The following CLMN variants were observed in gnomAD, a reference collection of about 807,000 sequenced individuals.
CLMN encodes the protein calmin, also known as calmin (calponin-like, transmembrane).
In CLMN, 57 loss-of-function variants were observed where a neutral mutation model predicts 92.7. The observed-to-expected ratio is 0.61, with a 90% CI of 0.50 to 0.77. CLMN has a LOEUF of 0.77. Ranked by LOEUF, CLMN falls within the 30% of genes least tolerant of loss-of-function variation. The pLI is 0.00. For missense variants in CLMN, 1,158 were observed against 1,237.5 expected, an observed-to-expected ratio of 0.94 and a Z score of 0.96; for synonymous variants, 466 against 470.6, an observed-to-expected ratio of 0.99 and a Z score of 0.13.
intron 1 of CLMN, among the ~76,000 whole-genome samples, chr14:95,283,123 C>T (rs577815436): frequency 1.5e-4 from 23 of 152,310 alleles, no homozygotes; most frequent in African/African-American, 5.5e-4. Flanking sequence ...GTGAGAGGGA[C>T]CCAGTGGGAG....
At chr14:95,249,298 A>G (rs1898691699) in intron 1 of CLMN, among the ~76,000 whole-genome samples, 2 of 152,200 alleles carry the variant, frequency 1.3e-5, no homozygotes, top group Admixed American at 6.5e-5. Context: ...CATGTTGAGC[A>G]GATAACTTGT....
intron 1 of CLMN, among the ~76,000 whole-genome samples, chr14:95,299,645 A>G (rs2140776507): frequency 6.6e-6 from 1 of 152,304 alleles, no homozygotes; most frequent in African/African-American, 2.4e-5. Context: ...ACCCTGCTAC[A>G]AAGAGGCAGA....
In CLMN at chr14:95,204,086, C is replaced by T. The variant is rs770563838; in HGVS notation, c.1263G>A (p.Pro421=). Residue 421 remains proline, a synonymous_variant, in exon 9 of 13, where the codon CCG becomes CCA. Transcript: ENST00000298912. ...RKENGRSNSL[P]IKKTVHFEAD... ...CCTCAAAGTGAACTGTTTTCTTGAT[C>T]GGCAAAGAGTTGGACCTCCCGTTCT... The T allele has an allele frequency of 8.4e-5, 135 of 1,613,948 alleles. 2 individuals carry two copies. The East Asian group carries it at 2.4e-3, about 28-fold the overall frequency.
chr14:95,300,064 C>G (rs1286956447), intron 1 of CLMN, among the ~76,000 whole-genome samples: 1 of 152,246 alleles, frequency 6.6e-6, no homozygotes, highest in Non-Finnish European at 1.5e-5. Flanking sequence ...GACGCTCAAT[C>G]AGGAAGCTCT....
At chr14:95,237,599 T>A (rs1898100161) in intron 1 of CLMN, among the ~76,000 whole-genome samples, 1 of 152,184 alleles carries the variant, frequency 6.6e-6, no homozygotes, top group Admixed American at 6.5e-5. Flanking sequence ...TCCAGTTTTG[T>A]GCAGAGGGAA....
chr14:95,302,283 G>C (rs113452665), intron 1 of CLMN, among the ~76,000 whole-genome samples: 88 of 152,082 alleles, frequency 5.8e-4, no homozygotes, highest in African/African-American at 2.0e-3. Context: ...CTGGGCAACA[G>C]AGTGAGACTT....
At position 95,259,245 on chromosome 14, in the gene CLMN, C is replaced by T. The variant is rs1051270332; in HGVS notation, c.83-29112G>A. ...GGCCTCCTAGTGTCAGAGGTATAGA[C>T]AACCACTGCTCTTCCCCAATGTCAG... is the stretch of plus-strand genomic sequence containing the variant. On this transcript the variant is annotated intron_variant, in intron 1 of 12. Coordinates refer to ENST00000298912, the MANE Select transcript of CLMN (RefSeq NM_024734.4). The surrounding 1 kb of genome is among the most constrained non-coding windows in gnomAD (Gnocchi z 4.3). 2.0e-5 allele frequency among the ~76,000 whole-genome samples: 3 copies of T among 152,012 alleles called. No homozygotes were observed. The highest frequency in any genetic ancestry group is 4.4e-5 in the Non-Finnish European group (3 of 67,982).
intron 1 of CLMN, among the ~76,000 whole-genome samples, chr14:95,283,967 CG>C: frequency 6.6e-6 from 1 of 152,344 alleles, no homozygotes; most frequent in East Asian, 1.9e-4. Flanking sequence ...CTCCAGGCCA[CG>C]TCAGAGACCT....
chr14:95,238,707 C>T (rs1898141808), intron 1 of CLMN, among the ~76,000 whole-genome samples: 1 of 152,150 alleles, frequency 6.6e-6, no homozygotes, highest in East Asian at 1.9e-4. Flanking sequence ...GAGTGAGTAA[C>T]CTGCTCCAGC....
Position 95,193,305 on chromosome 14 carries a change from A to G in CLMN, c.2840+544T>C, listed in dbSNP as rs111537168. The G allele has an allele frequency of 1.6e-5, 24 of 1,516,734 alleles. No homozygotes were observed. In the Admixed American group the frequency reaches 1.8e-4, roughly 11 times the overall value. The allele number at this position is 1,516,734 out of a possible 1,614,324, so 94.0% of individuals were successfully genotyped here. On this transcript the variant is annotated intron_variant, in intron 12 of 12. Transcript: ENST00000298912. ...ATTAGGCCAGGCCAACAGTTCTCCG[A>G]CAGCAAGAAATACTTTCATAGACAT...
At chr14:95,319,599 A>G in intron 1 of CLMN, 112 bp downstream of exon 1, 1 of 874,718 alleles carries the variant, frequency 1.1e-6, no homozygotes, top group Non-Finnish European at 1.7e-6. Flanking sequence ...AGTGACAGGA[A>G]CAACGAGCGG....
chr14:95,314,127 G>GCCCCTGAACACTCTCGTTCCTTGGTACAA (rs1901659878), intron 1 of CLMN, among the ~76,000 whole-genome samples: 1 of 152,200 alleles, frequency 6.6e-6, no homozygotes, highest in African/African-American at 2.4e-5. Context: ...GTTTTACCTG[G>GCCCCTGAACACTCTCGTTCCTTGGTACAA]CCCCTGAACA....
chr14:95,194,195 C>A lies in CLMN; in HGVS notation c.2770-276G>T. The stretch of plus-strand genomic sequence containing the variant: ...GTTCTAACACATCTGCTACTGAGCA[C>A]GTGCCACTGTCCATCGGACCTTGAC... On this transcript the variant is annotated intron_variant, in intron 11 of 12. Transcript: ENST00000298912. The surrounding 1 kb of genome is among the most constrained non-coding windows in gnomAD (Gnocchi z 4.0). 1 of 1,397,652 alleles carries A rather than the reference C, an allele frequency of 7.2e-7. No individual in the cohort carries two copies. Among genetic ancestry groups the A allele is most frequent in the Non-Finnish European group, 9.3e-7 (1 of 1,080,664 alleles). The allele number at this position is 1,397,652 out of a possible 1,614,324, so 86.6% of individuals were successfully genotyped here.
At chr14:95,208,345 G>C (rs913319922) in intron 8 of CLMN, among the ~76,000 whole-genome samples, 1 of 152,126 alleles carries the variant, frequency 6.6e-6, no homozygotes, top group Admixed American at 6.5e-5. Context: ...TTATCAGCTC[G>C]GGGTTGTGCA....
chr14:95,308,508 A>T (rs1901382535), intron 1 of CLMN, among the ~76,000 whole-genome samples: 1 of 152,108 alleles, frequency 6.6e-6, no homozygotes, highest in African/African-American at 2.4e-5. Context: ...TCTACCACTC[A>T]TTAGCTCAAT....
At position 95,188,508 on chromosome 14, in the gene CLMN, G is replaced by C. The variant is rs1296979643; in HGVS notation, c.*3056C>G. On this transcript the variant is annotated 3_prime_UTR_variant, in exon 13 of 13. Transcript: ENST00000298912. The stretch of plus-strand genomic sequence containing the variant: ...TTCCTGAAAGCAGATCAGAAACATA[G>C]ACGAAAAATAGAAAAGATAAAAAAT... 6.6e-6 allele frequency: 1 copy of C among 152,124 alleles called. No homozygotes were observed. The highest frequency in any genetic ancestry group is 1.5e-5 in the Non-Finnish European group (1 of 68,018). The allele number at this position is 152,124 out of a possible 1,614,324, so 9.4% of individuals were successfully genotyped here. A position where few individuals can be genotyped will look rare whatever the true frequency, so the allele number is the denominator to read the frequency against.
chr14:95,242,250 C>CTTTTTTTTTTTT (rs371417505), intron 1 of CLMN, among the ~76,000 whole-genome samples: 78 of 92,582 alleles, frequency 8.4e-4, no homozygotes, highest in Non-Finnish European at 1.5e-3. Flanking sequence ...TTTTCTTTTT[C>CTTTTTTTTTTTT]TTTTTTTTTT....
chr14:95,229,786 GT>G (rs960370677), intron 2 of CLMN, among the ~76,000 whole-genome samples: 1 of 152,104 alleles, frequency 6.6e-6, no homozygotes, highest in African/African-American at 2.4e-5. Flanking sequence ...GTGTTGGTGT[GT>G]TCAATAATGA....
chr14:95,275,052 G>A (rs1360825463), intron 1 of CLMN, among the ~76,000 whole-genome samples: 1 of 151,712 alleles, frequency 6.6e-6, no homozygotes, highest in Non-Finnish European at 1.5e-5. Flanking sequence ...CCAGATAGTG[G>A]TCTAGCCCTG....
Sources: allele counts gnomAD v4.1 joint callset (sites outside exome capture counted in the v4.1 genomes callset), GRCh38; gene constraint gnomAD v4.1.1; non-coding constraint Gnocchi (gnomAD v3.1); transcripts MANE v1.5; gene names NCBI Gene and HGNC (gene_info 2026-07-23, HGNC 2026-07-21).